DNASE1: variants seen among roughly 807,000 people sequenced by gnomAD.
DNASE1 encodes deoxyribonuclease-1.
A neutral mutation model predicts 33.9 loss-of-function variants in DNASE1; 40 were observed. The ratio of observed to expected loss-of-function variants is 1.18; its 90% CI spans 0.92 to 1.54. The LOEUF (loss-of-function observed/expected upper bound fraction) is 1.54, where lower values mean the gene tolerates loss of function less well. Ranked by LOEUF, DNASE1 falls within the 40% of genes most tolerant of loss-of-function variation. The pLI, the probability that DNASE1 is intolerant of heterozygous loss-of-function variation, is 0.00. For synonymous variants in DNASE1, 216 were observed against 160.0 expected (o/e 1.35, Z -2.64); for missense variants, 518 against 372.6 (o/e 1.39, Z -3.21).
chr16:3,657,750 C>T lies in DNASE1; in HGVS notation c.735C>T (p.Gly245=), dbSNP rs201756002. The T allele has an allele frequency of 1.3e-4, 203 of 1,614,028 alleles. No individual in the cohort carries two copies. Among genetic ancestry groups the T allele is most frequent in the Admixed American group, 7.3e-4 (44 of 60,008 alleles). ...TGGTTGCAGGGATGCTGCTCCGAGGCGCCGTTGTTCCCGACTCGGCTCTTC... is the reference window on the plus strand; with the variant it reads ...TGGTTGCAGGGATGCTGCTCCGAGGTGCCGTTGTTCCCGACTCGGCTCTTC... The part of the protein sequence containing the change: ...RIVVAGMLLR[G]AVVPDSALPF... Residue 245 remains glycine, a synonymous_variant, in exon 8 of 9, where the codon GGC becomes GGT. Coordinates refer to ENST00000246949, the MANE Select transcript of DNASE1 (RefSeq NM_005223.4).
rs967593113 is a variant in DNASE1, at chr16:3,656,122, A to G, written c.257A>G (p.His86Arg). The change falls in exon 4 of 9, where the codon CAC (histidine) becomes CGC (arginine). Residue 86 changes from histidine (H) to arginine (R), a missense_variant. Physicochemically the swap from His to Arg is conservative, Grantham distance 29 (BLOSUM62 0). Coordinates refer to ENST00000246949, the MANE Select transcript of DNASE1 (RefSeq NM_005223.4). ...TCCAGGGATGCACCAGACACCTATC[A>G]CTACGTGGTCAGTGAGCCACTGGGA... is the stretch of plus-strand genomic sequence containing the variant. Reference protein sequence around the residue: ...NLNQDAPDTYHYVVSEPLGRN... With the variant: ...NLNQDAPDTYRYVVSEPLGRN... 5 of 1,613,938 alleles carry G rather than the reference A, an allele frequency of 3.1e-6. No individual in the cohort carries two copies. Among genetic ancestry groups the G allele is most frequent in the Non-Finnish European group, 4.2e-6 (5 of 1,180,002 alleles).
intron 1 of DNASE1, among the ~76,000 whole-genome samples, chr16:3,614,803 A>T (rs1019445309): frequency 1.3e-5 from 2 of 152,232 alleles, no homozygotes; most frequent in Middle Eastern, 3.2e-3. Context: ...TTAAACATCT[A>T]ATAAACATGG....
chr16:3,657,179 C>G lies in DNASE1; in HGVS notation c.550-8C>G, dbSNP rs1004576655. ...TGTCCCAGGGCCACAGGCAGCGTTT[C>G]CTGGTAGGACGTCATGTTGATGGGC... On this transcript the variant is annotated splice_region_variant and splice_polypyrimidine_tract_variant and intron_variant, in intron 6 of 8. Coordinates refer to ENST00000246949, the MANE Select transcript of DNASE1 (RefSeq NM_005223.4). The G allele has an allele frequency of 2.5e-6, 4 of 1,614,014 alleles. No individual in the cohort carries two copies. The highest frequency in any genetic ancestry group is 3.4e-6 in the Non-Finnish European group (4 of 1,180,028).
chr16:3,658,521 A>G, downstream of DNASE1: 1 of 568,598 alleles, frequency 1.8e-6, no homozygotes, highest in Non-Finnish European at 3.1e-6. Context: ...CATCTCTACT[A>G]AAATACAAAA....
chr16:3,646,140 C>A (rs1367939420), intron 1 of DNASE1, among the ~76,000 whole-genome samples: 1 of 152,130 alleles, frequency 6.6e-6, no homozygotes, highest in African/African-American at 2.4e-5. Flanking sequence ...AGCTCAAGCC[C>A]AGTGCCCAGA....
intron 1 of DNASE1, among the ~76,000 whole-genome samples, chr16:3,634,061 C>T (rs1463176636): frequency 2.0e-5 from 3 of 151,856 alleles, no homozygotes; most frequent in African/African-American, 4.8e-5. Flanking sequence ...CCGCCCGTCT[C>T]GGCCTCCCAA....
At chr16:3,622,867 T>C (rs1046577285) in intron 1 of DNASE1, among the ~76,000 whole-genome samples, 3 of 152,252 alleles carry the variant, frequency 2.0e-5, no homozygotes, top group Non-Finnish European at 4.4e-5. Flanking sequence ...CTTTACGTTC[T>C]CTTAATGATG....
At chr16:3,628,910 G>A (rs1389623239) in intron 1 of DNASE1, among the ~76,000 whole-genome samples, 1 of 143,496 alleles carries the variant, frequency 7.0e-6, no homozygotes, top group Admixed American at 6.9e-5. Context: ...AGTGGCTCAC[G>A]CCGGTAATCC....
intron 1 of DNASE1, among the ~76,000 whole-genome samples, chr16:3,620,786 ATT>A (rs75645360): frequency 6.8e-6 from 1 of 147,218 alleles, no homozygotes; most frequent in African/African-American, 2.5e-5. Context: ...GGTTTGCCTG[ATT>A]TTTTTTTTTA....
At chr16:3,624,336 T>A (rs1278018314) in intron 1 of DNASE1, among the ~76,000 whole-genome samples, 1 of 152,186 alleles carries the variant, frequency 6.6e-6, no homozygotes. Context: ...ACTTTGAGAT[T>A]ATAAAGTAAT....
At chr16:3,646,216 G>C (rs376546699) in intron 1 of DNASE1, among the ~76,000 whole-genome samples, 3 of 152,052 alleles carry the variant, frequency 2.0e-5, no homozygotes, top group Non-Finnish European at 4.4e-5. Context: ...TTTTTCTCTG[G>C]GGGGGGTCTG....
In DNASE1 at chr16:3,617,565, G is replaced by C. The variant is rs1286638734; in HGVS notation, c.-1359+5559G>C. Among the ~76,000 whole-genome samples the C allele has an allele frequency of 1.3e-5, 2 of 152,178 alleles. 1 individual carries two copies. Among genetic ancestry groups the C allele is most frequent in the Non-Finnish European group, 2.9e-5 (2 of 68,036 alleles). On this transcript the variant is annotated intron_variant and NMD_transcript_variant, in intron 1 of 11. Transcript: ENST00000570769. ...ATACCTGATAAGAATCTATGCTGCT[G>C]TCTAAATGTTTATGTCTCCCCCCAC...
intron 1 of DNASE1, among the ~76,000 whole-genome samples, chr16:3,643,262 A>G (rs1380359896): frequency 6.6e-6 from 1 of 152,260 alleles, no homozygotes; most frequent in African/African-American, 2.4e-5. Flanking sequence ...AGAGACGGAC[A>G]TTAGGCACTG....
intron 1 of DNASE1, among the ~76,000 whole-genome samples, chr16:3,649,007 G>T (rs894789281): frequency 6.6e-6 from 1 of 152,158 alleles, no homozygotes; most frequent in Non-Finnish European, 1.5e-5. Context: ...GTCGTACCGT[G>T]TCCCCATGGT....
At chr16:3,624,558 AC>A (rs34086560) in intron 1 of DNASE1, among the ~76,000 whole-genome samples, 1 of 152,204 alleles carries the variant, frequency 6.6e-6, no homozygotes, top group African/African-American at 2.4e-5. Flanking sequence ...TGTGTACTAT[AC>A]CTGGAGCAGT....
rs1596656587 is a variant in DNASE1 at position 3,657,167 on chromosome 16, C to T, written c.550-20C>T. On this transcript the variant is annotated intron_variant, in intron 6 of 8. Transcript: ENST00000246949. ...GCGGCCTCCGCATGTCCCAGGGCCA[C>T]AGGCAGCGTTTCCTGGTAGGACGTC... 6 of 1,614,102 alleles carry T rather than the reference C, an allele frequency of 3.7e-6. No individual in the cohort carries two copies. In the East Asian group the frequency reaches 1.3e-4, roughly 36 times the overall value.
downstream of DNASE1, chr16:3,659,089 C>T (rs185391240): frequency 1.2e-4 from 61 of 528,434 alleles, 1 homozygote; most frequent in Middle Eastern, 1.4e-3. Flanking sequence ...GGTAGCCAAA[C>T]TCCAAGATTA....
At chr16:3,660,220 T>C (rs1190903304), downstream of DNASE1, 4 of 152,340 alleles carry the variant, frequency 2.6e-5, no homozygotes, top group East Asian at 7.7e-4. Context: ...GCACATAATC[T>C]CTGCAGAAAT....
upstream of DNASE1, chr16:3,654,606 A>G (rs1302782481): frequency 2.5e-6 from 1 of 392,920 alleles, no homozygotes; most frequent in Non-Finnish European, 4.5e-6. Context: ...GATGGGGGCC[A>G]CCACACGTGC....
Sources: allele counts gnomAD v4.1 joint callset (sites outside exome capture counted in the v4.1 genomes callset), GRCh38; gene constraint gnomAD v4.1.1; transcripts MANE v1.5; gene names NCBI Gene and HGNC (gene_info 2026-07-23, HGNC 2026-07-21).